The following DCUN1D3 variants were observed in gnomAD, a reference collection of about 807,000 sequenced individuals.
DCUN1D3 encodes the protein defective in cullin neddylation 1 domain containing 3.
Under a neutral mutation model 24.8 loss-of-function variants are expected in DCUN1D3, and 6 were observed. The observed-to-expected ratio is 0.24, with a 90% CI of 0.13 to 0.48. DCUN1D3 has a LOEUF of 0.48. Among genes scored for constraint, DCUN1D3 ranks in the 20% least tolerant of loss-of-function variants. The pLI is 0.99. For synonymous variants in DCUN1D3, 120 were observed against 144.9 expected, an observed-to-expected ratio of 0.83 and a Z score of 1.24; for missense variants, 258 against 379.4, an observed-to-expected ratio of 0.68 and a Z score of 2.66.
chr16:20,868,816 A>AG (rs1159084038), intron 1 of DCUN1D3: 1 of 152,188 alleles, frequency 6.6e-6, no homozygotes, highest in African/African-American at 2.4e-5. Flanking sequence ...AGAAGAAAGA[A>AG]GGAAAAAAAA....
chr16:20,862,085 GAC>G (rs778929726), intron 2 of DCUN1D3, 21 bp downstream of exon 2: 9 of 1,609,240 alleles, frequency 5.6e-6, no homozygotes, highest in African/African-American at 1.3e-5. Context: ...CTCACCTGGT[GAC>G]ATAAAGTGTT....
Position 20,883,329 on chromosome 16 carries a change from G to A in DCUN1D3, c.-106+16875C>T, listed in dbSNP as rs1275044908. On this transcript the variant is annotated intron_variant, in intron 1 of 2. Coordinates refer to ENST00000324344, the MANE Select transcript of DCUN1D3 (RefSeq NM_173475.4). ...AGATCGAGACCATCCTGGCTAACAC[G>A]GTGAAACCCCGTCTCTACTAAAAAT... 3.9e-5 allele frequency among the ~76,000 whole-genome samples: 6 copies of A among 152,182 alleles called. 1 individual carries two copies. The highest frequency in any genetic ancestry group is 4.2e-4 in the South Asian group (2 of 4,814).
intron 1 of DCUN1D3, among the ~76,000 whole-genome samples, chr16:20,892,542 T>C (rs1383085679): frequency 6.6e-6 from 1 of 152,216 alleles, no homozygotes; most frequent in African/African-American, 2.4e-5. Flanking sequence ...CAGATATTTT[T>C]TAAAAATAAG....
chr16:20,871,489 C>T (rs898048104), intron 1 of DCUN1D3, among the ~76,000 whole-genome samples: 1 of 152,194 alleles, frequency 6.6e-6, no homozygotes, highest in South Asian at 2.1e-4. Context: ...AAAGTCATTT[C>T]TTTTTGAAAG....
intron 1 of DCUN1D3, among the ~76,000 whole-genome samples, chr16:20,863,468 C>T (rs1377517136): frequency 1.3e-5 from 2 of 152,180 alleles, no homozygotes; most frequent in Non-Finnish European, 2.9e-5. Flanking sequence ...GGGCCGGTTG[C>T]AGTGGCTCAC....
At chr16:20,869,913 G>A (rs1267786854) in intron 1 of DCUN1D3, among the ~76,000 whole-genome samples, 1 of 152,110 alleles carries the variant, frequency 6.6e-6, no homozygotes, top group Non-Finnish European at 1.5e-5. Context: ...GCTATGATGT[G>A]TGCCAGGATA....
rs563178185 is a variant in DCUN1D3 at position 20,867,230 on chromosome 16, C to T, written c.-105-4587G>A. ...CCCTAGGCTAGATTGCTGAGCCCACCCCCAGCAAAGCATCTAGAGAGAACA... is the reference window on the plus strand; with the variant it reads ...CCCTAGGCTAGATTGCTGAGCCCACTCCCAGCAAAGCATCTAGAGAGAACA... On this transcript the variant is annotated intron_variant, in intron 1 of 2. Coordinates refer to ENST00000324344, the MANE Select transcript of DCUN1D3 (RefSeq NM_173475.4). Among the ~76,000 whole-genome samples, 5 of 152,188 alleles carry T rather than the reference C, an allele frequency of 3.3e-5. No individual in the cohort carries two copies. The East Asian group carries it at 5.8e-4, about 18-fold the overall frequency.
chr16:20,861,587 A>G (rs1482315333), intron 2 of DCUN1D3, among the ~76,000 whole-genome samples: 1 of 152,176 alleles, frequency 6.6e-6, no homozygotes, highest in Non-Finnish European at 1.5e-5. Context: ...AGAAAGGTCC[A>G]AGACAGCAGT....
intron 1 of DCUN1D3, among the ~76,000 whole-genome samples, chr16:20,889,347 G>A (rs532495965): frequency 1.3e-5 from 2 of 152,018 alleles, no homozygotes; most frequent in Admixed American, 6.5e-5. Flanking sequence ...AGCTAAGATC[G>A]TGCCACTGCA....
chr16:20,861,323 C>T (rs562604738), intron 2 of DCUN1D3, among the ~76,000 whole-genome samples: 2 of 139,118 alleles, frequency 1.4e-5, no homozygotes, highest in South Asian at 2.4e-4. Flanking sequence ...GGGAGAGAGG[C>T]GTATCCCCTC....
At chr16:20,891,288 G>A (rs916593580) in intron 1 of DCUN1D3, among the ~76,000 whole-genome samples, 6 of 152,194 alleles carry the variant, frequency 3.9e-5, no homozygotes, top group South Asian at 4.1e-4. Context: ...CACCATACCC[G>A]GCCGATTTTC....
At chr16:20,890,816 C>T (rs1031994837) in intron 1 of DCUN1D3, among the ~76,000 whole-genome samples, 8 of 151,664 alleles carry the variant, frequency 5.3e-5, no homozygotes, top group Non-Finnish European at 1.2e-4. Context: ...TTGATCTAAT[C>T]ATTAAATCTA....
At chr16:20,875,962 A>C (rs552876303) in intron 1 of DCUN1D3, among the ~76,000 whole-genome samples, 41 of 152,152 alleles carry the variant, frequency 2.7e-4, no homozygotes, top group African/African-American at 9.4e-4. Context: ...TCTGATTTTT[A>C]TTTTATTTAT....
chr16:20,877,017 G>A (rs796510498), intron 1 of DCUN1D3, among the ~76,000 whole-genome samples: 14 of 152,156 alleles, frequency 9.2e-5, no homozygotes, highest in South Asian at 2.1e-4. Flanking sequence ...AAGACCTAGC[G>A]TTGGAAAAAT....
intron 1 of DCUN1D3, among the ~76,000 whole-genome samples, chr16:20,873,513 G>A (rs921553823): frequency 6.6e-6 from 1 of 152,232 alleles, no homozygotes; most frequent in African/African-American, 2.4e-5. Flanking sequence ...TTAGTGTGAA[G>A]ACTAACATGG....
At chr16:20,884,200 T>G (rs1276531333) in intron 1 of DCUN1D3, among the ~76,000 whole-genome samples, 1 of 152,200 alleles carries the variant, frequency 6.6e-6, no homozygotes, top group Non-Finnish European at 1.5e-5. Flanking sequence ...ACCATGGAGA[T>G]AATCATTTGT....
chr16:20,867,609 A>C (rs2081768877), intron 1 of DCUN1D3, among the ~76,000 whole-genome samples: 1 of 152,196 alleles, frequency 6.6e-6, no homozygotes, highest in Non-Finnish European at 1.5e-5. Flanking sequence ...AGAGCTCTTG[A>C]AAGGATTCAG....
At chr16:20,866,036 A>C (rs563271326) in intron 1 of DCUN1D3, among the ~76,000 whole-genome samples, 1 of 152,320 alleles carries the variant, frequency 6.6e-6, no homozygotes, top group East Asian at 1.9e-4. Flanking sequence ...TTTGGTATGG[A>C]AAACAACCAT....
chr16:20,895,950 C>T (rs1324437374), intron 1 of DCUN1D3, among the ~76,000 whole-genome samples: 3 of 152,244 alleles, frequency 2.0e-5, no homozygotes, highest in Non-Finnish European at 4.4e-5. Context: ...CTTACTTCAG[C>T]ACATAGACAG....
Sources: allele counts gnomAD v4.1 joint callset (sites outside exome capture counted in the v4.1 genomes callset), GRCh38; gene constraint gnomAD v4.1.1; transcripts MANE v1.5; gene names NCBI Gene and HGNC (gene_info 2026-07-23, HGNC 2026-07-21).